The following PCCA variants were observed in gnomAD, a reference collection of about 807,000 sequenced individuals.
The protein encoded by PCCA is propionyl-CoA carboxylase subunit alpha.
A neutral mutation model predicts 101.3 loss-of-function variants in PCCA; 74 were observed. The ratio of observed to expected loss-of-function variants is 0.73; its 90% CI spans 0.61 to 0.89. The LOEUF (loss-of-function observed/expected upper bound fraction) is 0.89. PCCA is among the 40% of genes least tolerant of loss of function. PCCA has a pLI of 0.00. For missense variants in PCCA, 891 were observed against 907.0 expected (o/e 0.98, Z 0.23); for synonymous variants, 294 against 313.6 (o/e 0.94, Z 0.66).
chr13:100,522,324 CTG>C (rs1371679229), intron 22 of PCCA, among the ~76,000 whole-genome samples: 1 of 152,170 alleles, frequency 6.6e-6, no homozygotes, highest in Non-Finnish European at 1.5e-5. Context: ...GTTTCAAAAC[CTG>C]TGTTTCTCTG....
At chr13:100,406,713 C>CA (rs1049074342) in intron 19 of PCCA, among the ~76,000 whole-genome samples, 10 of 151,712 alleles carry the variant, frequency 6.6e-5, no homozygotes, top group African/African-American at 9.7e-5. Context: ...TCTCCCCACC[C>CA]AAAAAAAGAG....
intron 12 of PCCA, among the ~76,000 whole-genome samples, chr13:100,291,462 T>C (rs2065117281): frequency 6.6e-6 from 1 of 152,260 alleles, no homozygotes; most frequent in African/African-American, 2.4e-5. Context: ...GCATTGCTAC[T>C]TCTTAAGTTT....
chr13:100,099,536 C>G (rs368103445), intron 1 of PCCA, among the ~76,000 whole-genome samples: 1 of 152,008 alleles, frequency 6.6e-6, no homozygotes, highest in East Asian at 1.9e-4. Flanking sequence ...CCAGGATGGT[C>G]TCAATCTCCT....
At chr13:100,223,172 T>A (rs564128087) in intron 7 of PCCA, among the ~76,000 whole-genome samples, 28 of 150,934 alleles carry the variant, frequency 1.9e-4, no homozygotes, top group African/African-American at 5.1e-4. Context: ...TTTTTTTTTT[T>A]AAATCAATGA....
intron 19 of PCCA, among the ~76,000 whole-genome samples, chr13:100,383,110 T>C (rs1448940190): frequency 6.6e-6 from 1 of 151,896 alleles, no homozygotes; most frequent in Admixed American, 6.5e-5. Context: ...AGCACCTCAG[T>C]CCCCCAAGTA....
At chr13:100,526,223 G>A (rs755089883) in intron 22 of PCCA, among the ~76,000 whole-genome samples, 6 of 152,178 alleles carry the variant, frequency 3.9e-5, no homozygotes, top group South Asian at 2.1e-4. Flanking sequence ...TTGTCTCTGC[G>A]CTGCCCCTCC....
chr13:100,316,430 T>C (rs1182625191), intron 16 of PCCA, among the ~76,000 whole-genome samples: 2 of 152,230 alleles, frequency 1.3e-5, no homozygotes, highest in Non-Finnish European at 2.9e-5. Context: ...TAATATTTGC[T>C]TTCAATTCCT....
At chr13:100,402,605 C>T (rs1053066097) in intron 19 of PCCA, among the ~76,000 whole-genome samples, 1 of 152,030 alleles carries the variant, frequency 6.6e-6, no homozygotes, top group African/African-American at 2.4e-5. Context: ...GAGATTAATA[C>T]AGTAATGATT....
intron 19 of PCCA, among the ~76,000 whole-genome samples, chr13:100,417,663 A>G (rs2078464772): frequency 6.6e-6 from 1 of 151,838 alleles, no homozygotes; most frequent in African/African-American, 2.4e-5. Context: ...CATTATTTCT[A>G]ATTCTATGTC....
At chr13:100,112,182 C>G in intron 4 of PCCA, 121 bp downstream of exon 4, 1 of 714,844 alleles carries the variant, frequency 1.4e-6, no homozygotes, top group Non-Finnish European at 2.5e-6. Context: ...AAACTGTTTA[C>G]TTGTTCACTG....
Position 100,141,457 on chromosome 13 carries a change from C to T in PCCA, c.301-13522C>T, listed in dbSNP as rs542241477. Reference sequence around the variant, plus strand: ...ACAGAGTCTCACTCTGTCTCCCAGGCTGGAGTGCAGTGGCGTGATCTCGGC... The same window carrying T: ...ACAGAGTCTCACTCTGTCTCCCAGGTTGGAGTGCAGTGGCGTGATCTCGGC... On this transcript the variant is annotated intron_variant, in intron 4 of 23. Transcript: ENST00000376285. 8.5e-5 allele frequency among the ~76,000 whole-genome samples: 13 copies of T among 152,290 alleles called. 1 individual carries two copies. Among genetic ancestry groups the T allele is most frequent in the East Asian group, 7.7e-4 (4 of 5,184 alleles).
At chr13:100,235,393 CT>C (rs1192557834) in intron 7 of PCCA, among the ~76,000 whole-genome samples, 1 of 151,954 alleles carries the variant, frequency 6.6e-6, no homozygotes, top group African/African-American at 2.4e-5. Context: ...TTTCATATTT[CT>C]GCAAAATCGA....
intron 19 of PCCA, among the ~76,000 whole-genome samples, chr13:100,376,292 C>T (rs566054109): frequency 6.6e-5 from 10 of 152,234 alleles, no homozygotes; most frequent in South Asian, 2.1e-4. Context: ...TCAATCCCTG[C>T]GGGGGGGTGT....
intron 19 of PCCA, among the ~76,000 whole-genome samples, chr13:100,416,906 C>T (rs868609114): frequency 2.0e-5 from 3 of 151,984 alleles, no homozygotes; most frequent in Non-Finnish European, 4.4e-5. Context: ...TGCAATGGCG[C>T]GATCTCGGCT....
chr13:100,274,523 A>G (rs2063510353), intron 12 of PCCA, among the ~76,000 whole-genome samples: 1 of 152,182 alleles, frequency 6.6e-6, no homozygotes, highest in Non-Finnish European at 1.5e-5. Context: ...TCTATCATGC[A>G]GGTTCCAGCC....
chr13:100,173,924 C>T (rs2055975384), intron 6 of PCCA, among the ~76,000 whole-genome samples: 1 of 152,206 alleles, frequency 6.6e-6, no homozygotes, highest in Non-Finnish European at 1.5e-5. Flanking sequence ...TGCCTTTACT[C>T]CGCCTTCACT....
At chr13:100,193,372 C>A (rs12853194) in intron 6 of PCCA, among the ~76,000 whole-genome samples, 3 of 152,062 alleles carry the variant, frequency 2.0e-5, no homozygotes, top group Admixed American at 2.0e-4. Context: ...TATAAAAAAA[C>A]GCCCTTGAGA....
At chr13:100,090,992 A>G (rs1047550884) in intron 1 of PCCA, among the ~76,000 whole-genome samples, 2 of 152,030 alleles carry the variant, frequency 1.3e-5, no homozygotes, top group Non-Finnish European at 2.9e-5. Flanking sequence ...TCTAACAAAC[A>G]GAGATGAATG....
intron 21 of PCCA, among the ~76,000 whole-genome samples, chr13:100,459,104 G>T (rs1042804910): frequency 4.6e-5 from 7 of 151,994 alleles, no homozygotes; most frequent in African/African-American, 1.5e-4. Flanking sequence ...GTAATTCCAG[G>T]GTCTTCTGCT....
Sources: gnomAD v4.1 joint callset for allele counts (sites outside exome capture counted in the v4.1 genomes callset) on GRCh38, gnomAD v4.1.1 for gene constraint, MANE v1.5 for transcripts, NCBI Gene and HGNC (gene_info 2026-07-23, HGNC 2026-07-21) for gene names.